The following KCNK10 variants were observed in gnomAD, a reference collection of about 807,000 sequenced individuals.
The protein encoded by KCNK10 is potassium two pore domain channel subfamily K member 10.
KCNK10 carries 25 observed loss-of-function variants against 47.7 expected under a neutral mutation model. The observed-to-expected ratio is 0.52, with a 90% CI of 0.38 to 0.73. The LOEUF (loss-of-function observed/expected upper bound fraction) is 0.73, where lower values mean the gene tolerates loss of function less well. Among genes scored for constraint, KCNK10 ranks in the 30% least tolerant of loss-of-function variants. The pLI is 0.00. For missense variants in KCNK10, 563 were observed against 714.5 expected (o/e 0.79, Z 2.42); for synonymous variants, 303 against 285.6 (o/e 1.06, Z -0.61).
intron 1 of KCNK10, among the ~76,000 whole-genome samples, chr14:88,280,385 G>A (rs1456983724): frequency 2.0e-5 from 3 of 152,076 alleles, no homozygotes; most frequent in Non-Finnish European, 2.9e-5. Context: ...CTGGACTTCC[G>A]TGGGTTATTT....
intron 1 of KCNK10, among the ~76,000 whole-genome samples, chr14:88,283,272 T>C (rs1887690229): frequency 6.6e-6 from 1 of 152,184 alleles, no homozygotes. Flanking sequence ...AGATATAAGA[T>C]CTAAATCAAA....
At chr14:88,193,113 G>A (rs1884803170) in intron 4 of KCNK10, among the ~76,000 whole-genome samples, 1 of 152,224 alleles carries the variant, frequency 6.6e-6, no homozygotes, top group Non-Finnish European at 1.5e-5. Context: ...CAAGAGACAG[G>A]ATAGGAGTTA....
At chr14:88,196,227 G>A (rs1884909438) in intron 4 of KCNK10, among the ~76,000 whole-genome samples, 1 of 152,208 alleles carries the variant, frequency 6.6e-6, no homozygotes, top group African/African-American at 2.4e-5. Flanking sequence ...CCCATCTCCT[G>A]TAGAGTTCAT....
chr14:88,227,516 C>A lies in KCNK10; in HGVS notation c.540G>T (p.Pro180=). ...ITTIGYGNIA[P]STEGGKIFCI... is the part of the protein sequence containing the mutation. Reference sequence around the variant, plus strand: ...AAAAGATTTTGCCTCCTTCAGTGCTCGGAGCAATATTCCCATACCCTGGTG... The same window carrying A: ...AAAAGATTTTGCCTCCTTCAGTGCTAGGAGCAATATTCCCATACCCTGGTG... The change falls in exon 4 of 7, where the codon CCG becomes CCT. Residue 180 remains proline (P), a synonymous_variant. Coordinates refer to ENST00000319231, the MANE Select transcript of KCNK10 (RefSeq NM_138317.3). 6.2e-7 allele frequency: 1 copy of A among 1,609,402 alleles called. No individual in the cohort carries two copies. The highest frequency in any genetic ancestry group is 1.1e-5 in the South Asian group (1 of 90,036).
rs1199330064 is a variant in KCNK10 at position 88,260,702 on chromosome 14, T to A, written c.402+2500A>T. 2.0e-5 allele frequency among the ~76,000 whole-genome samples: 3 copies of A among 152,206 alleles called. No homozygotes were observed. The highest frequency in any genetic ancestry group is 7.2e-5 in the African/African-American group (3 of 41,448). Reference sequence around the variant, plus strand: ...GGAATCGTGATATGAACTTAGAGTGTTGTTGATAAGATTAAATGAGATAAT... The same window carrying A: ...GGAATCGTGATATGAACTTAGAGTGATGTTGATAAGATTAAATGAGATAAT... On this transcript the variant is annotated intron_variant, in intron 2 of 6. Coordinates refer to ENST00000319231, the MANE Select transcript of KCNK10 (RefSeq NM_138317.3). The surrounding 1 kb of genome is among the most constrained non-coding windows in gnomAD (Gnocchi z 4.5).
chr14:88,281,197 C>G (rs374640750), intron 1 of KCNK10, among the ~76,000 whole-genome samples: 1 of 152,198 alleles, frequency 6.6e-6, no homozygotes, highest in African/African-American at 2.4e-5. Context: ...GCCTGTCCCC[C>G]ATTCTTCCAC....
At chr14:88,202,764 G>A (rs756495427) in intron 4 of KCNK10, among the ~76,000 whole-genome samples, 1 of 149,222 alleles carries the variant, frequency 6.7e-6, no homozygotes, top group Non-Finnish European at 1.5e-5. Flanking sequence ...TGGGAGGGAC[G>A]AGATCTTCCT....
intron 2 of KCNK10, among the ~76,000 whole-genome samples, chr14:88,246,977 T>G (rs1195519762): frequency 6.6e-6 from 1 of 152,134 alleles, no homozygotes; most frequent in Non-Finnish European, 1.5e-5. Context: ...TCAGCCCTGG[T>G]GAGGACCTAG....
At chr14:88,212,110 A>C (rs1885476276) in intron 4 of KCNK10, among the ~76,000 whole-genome samples, 1 of 34,782 alleles carries the variant, frequency 2.9e-5, no homozygotes, top group African/African-American at 1.0e-4. Context: ...GATAGTGAGA[A>C]TATATATATA....
At chr14:88,220,241 C>G (rs1885755883) in intron 4 of KCNK10, among the ~76,000 whole-genome samples, 1 of 150,686 alleles carries the variant, frequency 6.6e-6, no homozygotes, top group Non-Finnish European at 1.5e-5. Context: ...AACGGTGAAA[C>G]CCCGTCTCTA....
intron 4 of KCNK10, among the ~76,000 whole-genome samples, chr14:88,207,969 A>G (rs987439032): frequency 6.6e-6 from 1 of 152,200 alleles, no homozygotes; most frequent in Admixed American, 6.5e-5. Context: ...ATCACACGCA[A>G]AAGTCTGGAG....
intron 2 of KCNK10, among the ~76,000 whole-genome samples, chr14:88,255,469 G>C (rs28460334): frequency 5.8e-4 from 88 of 151,872 alleles, no homozygotes; most frequent in African/African-American, 2.1e-3. Context: ...TGAGGTGGGA[G>C]GATTGCTTGA....
chr14:88,185,502 C>CAA lies in KCNK10; in HGVS notation c.*31_*32dup, dbSNP rs1555358897. 1.9e-6 allele frequency: 3 copies of CAA among 1,589,936 alleles called. No homozygotes were observed. Among genetic ancestry groups the CAA allele is most frequent in the Admixed American group, 1.7e-5 (1 of 58,420 alleles). On this transcript the variant is annotated 3_prime_UTR_variant, in exon 7 of 7. Transcript: ENST00000319231. The surrounding 1 kb of genome is among the most constrained non-coding windows in gnomAD (Gnocchi z 4.3). Reference sequence around the variant, plus strand: ...TTAAAAACACACACACACACACACACAACGCTCAGTCCAAGACCAATGTCC... The same window carrying CAA: ...TTAAAAACACACACACACACACACACAAAACGCTCAGTCCAAGACCAATGTCC...
rs746651669 is a variant in KCNK10, at chr14:88,180,965, G to C, written c.*4570C>G. 7.6e-6 allele frequency: 3 copies of C among 397,218 alleles called. No individual in the cohort carries two copies. The highest frequency in any genetic ancestry group is 1.3e-5 in the Non-Finnish European group (3 of 225,510). The allele number at this position is 397,218 out of a possible 1,614,324, so 24.6% of individuals were successfully genotyped here. A position where few individuals can be genotyped will look rare whatever the true frequency, so the allele number is the denominator to read the frequency against. Reference sequence around the variant, plus strand: ...AGGCCATTACTAGCCAGCTCTTACTGTTCACTCAGCCACTGTCTTTGCACA... The same window carrying C: ...AGGCCATTACTAGCCAGCTCTTACTCTTCACTCAGCCACTGTCTTTGCACA... On this transcript the variant is annotated 3_prime_UTR_variant, in exon 7 of 7. Transcript: ENST00000319231.
chr14:88,227,404 T>A lies in KCNK10; in HGVS notation c.652A>T (p.Ser218Cys). 6.2e-7 allele frequency: 1 copy of A among 1,612,318 alleles called. No homozygotes were observed. The highest frequency in any genetic ancestry group is 8.5e-7 in the Non-Finnish European group (1 of 1,179,416). The change falls in exon 4 of 7, where the codon AGC becomes TGC. Residue 218 changes from serine to cysteine, a missense_variant. By Grantham distance (112) the Ser-to-Cys change is moderately radical. Transcript: ENST00000319231. ...GDQLGTIFGK[S>C]IARVEKVFRK... ...AAGACCTTCTCCACTCTTGCAATGC[T>A]TTTCCCAAAGATGGTTCCAAGTTGG...
Position 88,189,719 on chromosome 14 carries a change from A to T in KCNK10, c.869-1610T>A, listed in dbSNP as rs573374510. On this transcript the variant is annotated intron_variant, in intron 5 of 6. Coordinates refer to ENST00000319231, the MANE Select transcript of KCNK10 (RefSeq NM_138317.3). ...TCAATCCTGCAGGATCAATGATCTG[A>T]TTACATTTCTAGTAGAGTTCATACT... is the stretch of plus-strand genomic sequence containing the variant. Among the ~76,000 whole-genome samples, 9 of 152,346 alleles carry T rather than the reference A, an allele frequency of 5.9e-5. No homozygotes were observed. The South Asian group carries it at 1.9e-3, about 32-fold the overall frequency.
intron 4 of KCNK10, among the ~76,000 whole-genome samples, chr14:88,199,148 G>C (rs1217616136): frequency 6.6e-6 from 1 of 152,064 alleles, no homozygotes; most frequent in Non-Finnish European, 1.5e-5. Context: ...TTGAACTCCT[G>C]ACCTCAAGTG....
intron 1 of KCNK10, among the ~76,000 whole-genome samples, chr14:88,276,290 A>G (rs1887526346): frequency 7.6e-6 from 1 of 130,956 alleles, no homozygotes; most frequent in African/African-American, 4.1e-5. Flanking sequence ...TGGTCCTTCC[A>G]CCGAGTGAGG....
chr14:88,185,781 T>C lies in KCNK10; in HGVS notation c.1386A>G (p.Lys462=). ...GCAAGGTCTTTTTGAGGTCCTTGTTTTTCCTCTTGGTGAGTCTGGAGGTGG... is the reference window on the plus strand; with the variant it reads ...GCAAGGTCTTTTTGAGGTCCTTGTTCTTCCTCTTGGTGAGTCTGGAGGTGG... ...FGSTSRLTKR[K]NKDLKKTLPE... is the part of the protein sequence containing the mutation. Residue 462 remains lysine (K), a synonymous_variant, in exon 7 of 7, where the codon AAA becomes AAG. Transcript: ENST00000319231. This position sits in a 1 kb window ranked among gnomAD's most constrained non-coding sequence, Gnocchi z 4.3. 1 of 1,614,212 alleles carries C rather than the reference T, an allele frequency of 6.2e-7. No individual in the cohort carries two copies. Among genetic ancestry groups the C allele is most frequent in the Non-Finnish European group, 8.5e-7 (1 of 1,180,038 alleles).
Sources: gnomAD v4.1 joint callset for allele counts (sites outside exome capture counted in the v4.1 genomes callset) on GRCh38, gnomAD v4.1.1 for gene constraint, Gnocchi (gnomAD v3.1) non-coding constraint, MANE v1.5 for transcripts, NCBI Gene and HGNC (gene_info 2026-07-23, HGNC 2026-07-21) for gene names.